Variants in EPC2 observed in about 807,000 individuals in gnomAD.
The protein encoded by EPC2 is enhancer of polycomb homolog 2.
In EPC2, 14 loss-of-function variants were observed where a neutral mutation model predicts 92.1. The observed-to-expected ratio is 0.15, with a 90% confidence interval of 0.10 to 0.24. The LOEUF is 0.24. Ranked by LOEUF, EPC2 falls within the 10% of genes least tolerant of loss-of-function variation. The pLI, the probability that EPC2 is intolerant of heterozygous loss-of-function variation, is 1.00. For synonymous variants in EPC2, 340 were observed against 334.7 expected (o/e 1.02, Z -0.17); for missense variants, 755 against 971.5 (o/e 0.78, Z 2.96).
chr2:148,679,811 A>G (rs1023632102), intron 1 of EPC2, among the ~76,000 whole-genome samples: 14 of 151,976 alleles, frequency 9.2e-5, no homozygotes, highest in South Asian at 2.1e-4. Context: ...ACATCCAGCT[A>G]ATTTTTATTT....
intron 2 of EPC2, among the ~76,000 whole-genome samples, chr2:148,732,466 C>T (rs919611603): frequency 3.8e-4 from 57 of 151,084 alleles, no homozygotes; most frequent in African/African-American, 1.3e-3. Context: ...CTGCAGCCTC[C>T]GCCTCACAGG....
At chr2:148,703,459 A>G (rs1211956574) in intron 2 of EPC2, among the ~76,000 whole-genome samples, 1 of 151,894 alleles carries the variant, frequency 6.6e-6, no homozygotes, top group Non-Finnish European at 1.5e-5. Flanking sequence ...TTTGTTCTAA[A>G]GGAAACAAAA....
intron 12 of EPC2, among the ~76,000 whole-genome samples, chr2:148,784,392 C>G (rs1438276475): frequency 6.6e-6 from 1 of 152,204 alleles, no homozygotes; most frequent in Non-Finnish European, 1.5e-5. Flanking sequence ...TTCCATCTGT[C>G]CTGTTATACT....
chr2:148,747,746 T>G (rs1683012608), intron 3 of EPC2, among the ~76,000 whole-genome samples: 2 of 152,108 alleles, frequency 1.3e-5, no homozygotes, highest in Non-Finnish European at 2.9e-5. Context: ...ATTGTCTTCT[T>G]TCTTCATCTC....
intron 1 of EPC2, among the ~76,000 whole-genome samples, chr2:148,688,246 T>C (rs1179164183): frequency 6.6e-6 from 1 of 152,186 alleles, no homozygotes; most frequent in Non-Finnish European, 1.5e-5. Context: ...AATGATGAGC[T>C]CATGTCCTTT....
At chr2:148,778,831 C>A (rs1683697641) in intron 10 of EPC2, among the ~76,000 whole-genome samples, 1 of 151,572 alleles carries the variant, frequency 6.6e-6, no homozygotes, top group Non-Finnish European at 1.5e-5. Flanking sequence ...AGCTAGATGT[C>A]AAGAATGGAT....
intron 2 of EPC2, chr2:148,691,860 G>A (rs1410048016): frequency 1.6e-6 from 1 of 616,152 alleles, no homozygotes; most frequent in Admixed American, 2.1e-5. Context: ...TGAGGGCATA[G>A]CCCTTTGGTA....
chr2:148,712,693 C>T (rs1682172704), intron 2 of EPC2, among the ~76,000 whole-genome samples: 1 of 152,074 alleles, frequency 6.6e-6, no homozygotes, highest in African/African-American at 2.4e-5. Context: ...AGTTGGAGAC[C>T]AGCCTGGGCA....
At chr2:148,744,989 G>GTC (rs1682952853) in intron 3 of EPC2, among the ~76,000 whole-genome samples, 4 of 46,296 alleles carry the variant, frequency 8.6e-5, no homozygotes, top group Non-Finnish European at 2.0e-4. Flanking sequence ...CTATCAGTTT[G>GTC]CCCCCCCCCC....
chr2:148,769,937 A>G (rs1407046298), intron 8 of EPC2, among the ~76,000 whole-genome samples: 1 of 152,134 alleles, frequency 6.6e-6, no homozygotes. Flanking sequence ...AGTTATGTTG[A>G]TGAGAGAAGG....
chr2:148,647,023 T>C (rs969273415), intron 1 of EPC2, among the ~76,000 whole-genome samples: 20 of 151,942 alleles, frequency 1.3e-4, no homozygotes, highest in African/African-American at 4.3e-4. Flanking sequence ...GGCAGAAGAA[T>C]TGCTTGAACC....
intron 1 of EPC2, among the ~76,000 whole-genome samples, chr2:148,668,339 C>T (rs1681092307): frequency 6.6e-6 from 1 of 152,136 alleles, no homozygotes; most frequent in Admixed American, 6.5e-5. Context: ...ATTCTATTTG[C>T]TACATTTTTG....
At chr2:148,650,899 A>G (rs80241774) in intron 1 of EPC2, among the ~76,000 whole-genome samples, 2,071 of 152,282 alleles carry the variant, frequency 0.014, 41 homozygotes, top group African/African-American at 0.047. Flanking sequence ...TAGGAAAAGT[A>G]TGTGTAAGGC....
intron 2 of EPC2, among the ~76,000 whole-genome samples, chr2:148,720,569 A>T (rs1424123786): frequency 2.6e-5 from 4 of 152,218 alleles, no homozygotes; most frequent in Non-Finnish European, 5.9e-5. Context: ...ATGCCTGAGC[A>T]GCTGCTCTGC....
chr2:148,783,958 C>T (rs1000122556), intron 12 of EPC2, among the ~76,000 whole-genome samples: 1 of 152,200 alleles, frequency 6.6e-6, no homozygotes. Context: ...TCTCCCTCAT[C>T]CATTGAATAC....
chr2:148,647,162 G>A (rs533194824), intron 1 of EPC2, among the ~76,000 whole-genome samples: 2 of 152,310 alleles, frequency 1.3e-5, no homozygotes, highest in East Asian at 3.9e-4. Flanking sequence ...TTAACTCCTG[G>A]AAGGTATATT....
chr2:148,647,554 G>C (rs940965654), intron 1 of EPC2, among the ~76,000 whole-genome samples: 1 of 149,390 alleles, frequency 6.7e-6, no homozygotes, highest in Non-Finnish European at 1.5e-5. Context: ...GTGATCACCC[G>C]CCTCGGCCTC....
At position 148,706,788 on chromosome 2, in the gene EPC2, A is replaced by G. The variant is rs541434028; in HGVS notation, c.313+16415A>G. On this transcript the variant is annotated intron_variant, in intron 2 of 13. Transcript: ENST00000258484. Reference sequence around the variant, plus strand: ...GGAGAAATAAAATCATTTATAGACAAACAAATGCTGAGAGATTTTTGTCAC... The same window carrying G: ...GGAGAAATAAAATCATTTATAGACAGACAAATGCTGAGAGATTTTTGTCAC... Among the ~76,000 whole-genome samples the G allele has an allele frequency of 2.6e-5, 4 of 152,294 alleles. No individual in the cohort carries two copies. In the South Asian group the frequency reaches 6.2e-4, roughly 24 times the overall value.
chr2:148,672,061 A>G (rs1235086337), intron 1 of EPC2, among the ~76,000 whole-genome samples: 1 of 152,208 alleles, frequency 6.6e-6, no homozygotes, highest in Admixed American at 6.5e-5. Flanking sequence ...AAAATTCTCC[A>G]GTGAAGCCAT....
Sources: gnomAD v4.1 joint callset for allele counts (sites outside exome capture counted in the v4.1 genomes callset) on GRCh38, gnomAD v4.1.1 for gene constraint, MANE v1.5 for transcripts, NCBI Gene and HGNC (gene_info 2026-07-23, HGNC 2026-07-21) for gene names.